The following NEK5 variants were observed in gnomAD, a reference collection of about 807,000 sequenced individuals.
The protein encoded by NEK5 is NIMA related kinase 5, also known as serine/threonine-protein kinase Nek5.
NEK5 carries 88 observed loss-of-function variants against 109.2 expected under a neutral mutation model. The ratio of observed to expected loss-of-function variants is 0.81; its 90% CI spans 0.68 to 0.96. The LOEUF is 0.96. NEK5 is among the 40% of genes least tolerant of loss of function. The pLI is 0.00. For missense variants in NEK5, 834 were observed against 920.7 expected, an observed-to-expected ratio of 0.91 and a Z score of 1.22; for synonymous variants, 283 against 299.9, an observed-to-expected ratio of 0.94 and a Z score of 0.58.
chr13:52,088,684 A>G (rs1357385495), intron 14 of NEK5, among the ~76,000 whole-genome samples: 1 of 152,168 alleles, frequency 6.6e-6, no homozygotes, highest in Non-Finnish European at 1.5e-5. Flanking sequence ...TAAGGCTCAG[A>G]TAGGCTGAAT....
chr13:52,076,433 CT>C (rs1167622686), intron 17 of NEK5, among the ~76,000 whole-genome samples: 2 of 152,120 alleles, frequency 1.3e-5, no homozygotes, highest in Non-Finnish European at 2.9e-5. Flanking sequence ...GGATCTTTCC[CT>C]TAAGAGGCTT....
chr13:52,073,249 A>G (rs1037806198), intron 19 of NEK5, among the ~76,000 whole-genome samples: 2 of 152,148 alleles, frequency 1.3e-5, no homozygotes, highest in African/African-American at 4.8e-5. Flanking sequence ...AAGAAATAAC[A>G]CCAATAAAAT....
Position 52,127,463 on chromosome 13 carries a change from A to G in NEK5, c.20T>C (p.Ile7Thr), listed in dbSNP as rs1480295742. ...GAAGGCACCTTGCCCGATGGCCTTAATCACATCGTACTTATCCATGGTCTC... is the reference window on the plus strand; with the variant it reads ...GAAGGCACCTTGCCCGATGGCCTTAGTCACATCGTACTTATCCATGGTCTC... The part of the protein sequence containing the change: MDKYDV[I>T]KAIGQGAFGK... The change falls in exon 3 of 24, where the codon ATT (isoleucine) becomes ACT (threonine). Residue 7 changes from isoleucine to threonine, a missense_variant. By Grantham distance (89) the Ile-to-Thr change is moderately conservative (BLOSUM62 -1). Transcript: ENST00000684899. 5 of 1,606,502 alleles carry G rather than the reference A, an allele frequency of 3.1e-6. No individual in the cohort carries two copies. Among genetic ancestry groups the G allele is most frequent in the Non-Finnish European group, 4.3e-6 (5 of 1,173,184 alleles).
intron 23 of NEK5, among the ~76,000 whole-genome samples, chr13:52,037,964 A>G (rs1379588214): frequency 6.6e-6 from 1 of 151,472 alleles, no homozygotes; most frequent in Admixed American, 6.6e-5. Flanking sequence ...CTACTAATTC[A>G]TAGAACCAGG....
At chr13:52,089,357 A>G in intron 13 of NEK5, 44 bp from the exon 14 acceptor site, 1 of 1,169,896 alleles carries the variant, frequency 8.5e-7, no homozygotes, top group Non-Finnish European at 1.3e-6. Flanking sequence ...ACTTGAACAA[A>G]TCTTAGGCAC....
rs778396657 is a variant in NEK5 at position 52,075,784 on chromosome 13, C to T, written c.1696G>A (p.Asp566Asn). 49 of 1,557,516 alleles carry T rather than the reference C, an allele frequency of 3.1e-5. No individual in the cohort carries two copies. Among genetic ancestry groups the T allele is most frequent in the Non-Finnish European group, 3.9e-5 (45 of 1,149,502 alleles). The change falls in exon 19 of 24, where the codon GAT (aspartate) becomes AAT (asparagine). Residue 566 changes from aspartate to asparagine, a missense_variant. Asp to Asn is a conservative substitution (Grantham distance 23). This residue lies in a region of NEK5 where 777 missense variants were observed against 824.7 expected (regional missense o/e 0.94). Coordinates refer to ENST00000684899, the MANE Select transcript of NEK5 (RefSeq NM_001365552.1). ...FEINLDKCIS[D>N]ENILQEEEAM... is the part of the protein sequence containing the mutation. ...TCTTCCTCTTGGAGGATGTTTTCAT[C>T]AGAAATACATTTGTCTAAATTAATT...
intron 21 of NEK5, among the ~76,000 whole-genome samples, chr13:52,063,671 A>ATGTGGGGAGCG (rs1954635201): frequency 7.5e-6 from 1 of 133,952 alleles, no homozygotes; most frequent in African/African-American, 2.9e-5. Context: ...TGTGGGGAGC[A>ATGTGGGGAGCG]CCTCTGCCCT....
intron 17 of NEK5, among the ~76,000 whole-genome samples, chr13:52,080,138 G>A (rs1183295981): frequency 1.3e-5 from 2 of 150,560 alleles, no homozygotes; most frequent in Admixed American, 6.6e-5. Context: ...GAGCGTCTCC[G>A]CCCGGCAGCC....
Position 52,076,052 on chromosome 13 carries a change from G to A in NEK5, c.1653+11C>T. The A allele has an allele frequency of 2.6e-6, 4 of 1,532,304 alleles. No homozygotes were observed. The highest frequency in any genetic ancestry group is 2.7e-6 in the Non-Finnish European group (3 of 1,114,576). 94.9% of individuals were successfully genotyped at this position (1,532,304 alleles called of 1,614,324 possible). A position where few individuals can be genotyped will look rare whatever the true frequency, so the allele number is the denominator to read the frequency against. Reference sequence around the variant, plus strand: ...TTTAATATGGAACCCAAAGACAAAAGTATTTCTTACCTTAGCTTTATATTT... The same window carrying A: ...TTTAATATGGAACCCAAAGACAAAAATATTTCTTACCTTAGCTTTATATTT... On this transcript the variant is annotated intron_variant, in intron 18 of 23. Coordinates refer to ENST00000684899, the MANE Select transcript of NEK5 (RefSeq NM_001365552.1).
chr13:52,114,302 A>G (rs1229842531), intron 4 of NEK5, among the ~76,000 whole-genome samples: 6 of 152,218 alleles, frequency 3.9e-5, no homozygotes, highest in African/African-American at 1.4e-4. Context: ...GCAATTGTTG[A>G]TAACATTTTC....
At chr13:52,108,200 A>G in intron 8 of NEK5, 118 bp downstream of exon 8, 1 of 664,236 alleles carries the variant, frequency 1.5e-6, no homozygotes, top group Non-Finnish European at 2.6e-6. Flanking sequence ...AAGCAAATGA[A>G]ATTACAAAAG....
At chr13:52,056,214 T>C (rs1213397811) in intron 22 of NEK5, among the ~76,000 whole-genome samples, 1 of 151,108 alleles carries the variant, frequency 6.6e-6, no homozygotes, top group Non-Finnish European at 1.5e-5. Context: ...CATTACATAA[T>C]GGTAAAGGGA....
intron 14 of NEK5, among the ~76,000 whole-genome samples, chr13:52,088,924 C>T (rs1226860013): frequency 6.6e-6 from 1 of 151,866 alleles, no homozygotes; most frequent in Non-Finnish European, 1.5e-5. Context: ...AACCCTGTCT[C>T]TACTAAAAAT....
chr13:52,079,992 C>G (rs1218648986), intron 17 of NEK5, among the ~76,000 whole-genome samples: 3 of 151,396 alleles, frequency 2.0e-5, no homozygotes, highest in African/African-American at 7.3e-5. Context: ...CCCGGCCGCC[C>G]CATCTGAGAA....
Position 52,061,841 on chromosome 13 carries a change from T to C in NEK5, c.2088A>G (p.Ser696=). ...VLAAAHLTSS[S]FSADEEFAMG... is the part of the protein sequence containing the mutation. Reference sequence around the variant, plus strand: ...TACCAAATTCTTCATCGGCAGAAAATGAGCTACTCGTTAGATGTGCTGCTG... The same window carrying C: ...TACCAAATTCTTCATCGGCAGAAAACGAGCTACTCGTTAGATGTGCTGCTG... Residue 696 remains serine, a synonymous_variant, in exon 22 of 24, where the codon TCA becomes TCG. Transcript: ENST00000684899. 4.1e-6 allele frequency: 4 copies of C among 983,970 alleles called. No homozygotes were observed. The highest frequency in any genetic ancestry group is 4.8e-6 in the Non-Finnish European group (4 of 828,234). The allele number at this position is 983,970 out of a possible 1,614,324, so 61.0% of individuals were successfully genotyped here.
At chr13:52,088,768 G>T (rs1955209961) in intron 14 of NEK5, among the ~76,000 whole-genome samples, 1 of 151,932 alleles carries the variant, frequency 6.6e-6, no homozygotes, top group South Asian at 2.1e-4. Flanking sequence ...ATTCAAGCCT[G>T]TTCCCATTAT....
chr13:52,074,963 G>C (rs1954841260), intron 19 of NEK5, among the ~76,000 whole-genome samples: 1 of 152,124 alleles, frequency 6.6e-6, no homozygotes, highest in African/African-American at 2.4e-5. Context: ...TTACTAAAAA[G>C]TCAAAAAACA....
chr13:52,106,712 AG>A (rs1316871751), intron 8 of NEK5, among the ~76,000 whole-genome samples: 2 of 151,470 alleles, frequency 1.3e-5, no homozygotes, highest in African/African-American at 4.9e-5. Flanking sequence ...GATTGCAGTG[AG>A]CCGAGATCAC....
At chr13:52,101,109 T>C (rs775119965) in intron 11 of NEK5, among the ~76,000 whole-genome samples, 1 of 152,130 alleles carries the variant, frequency 6.6e-6, no homozygotes, top group Non-Finnish European at 1.5e-5. Context: ...ACTAAAATAG[T>C]TTTCTCCGGC....
Sources: gnomAD v4.1 joint callset for allele counts (sites outside exome capture counted in the v4.1 genomes callset) on GRCh38, gnomAD v4.1.1 for gene constraint, gnomAD v4.1.1 regional missense constraint, MANE v1.5 for transcripts, NCBI Gene and HGNC (gene_info 2026-07-23, HGNC 2026-07-21) for gene names.